WBP2: variants seen among roughly 807,000 people sequenced by gnomAD.
The protein encoded by WBP2 is WW domain-binding protein 2.
Under a neutral mutation model 33.0 loss-of-function variants are expected in WBP2, and 23 were observed. That is an observed-to-expected ratio of 0.70 (90% confidence interval 0.50 to 0.99). The LOEUF (loss-of-function observed/expected upper bound fraction) is 0.99. Ranked by LOEUF, WBP2 falls within the 50% of genes least tolerant of loss-of-function variation. WBP2 has a pLI of 0.00. For missense variants in WBP2, 353 were observed against 358.0 expected (o/e 0.99, Z 0.11); for synonymous variants, 153 against 133.5 (o/e 1.15, Z -1.01).
chr17:75,855,577 T>G (rs2065053824), upstream of WBP2: 1 of 503,624 alleles, frequency 2.0e-6, no homozygotes, highest in African/African-American at 1.9e-5. Flanking sequence ...CTGGAACTTG[T>G]AGTCTCCTGG....
intron 3 of WBP2, 100 bp downstream of exon 3, chr17:75,849,504 C>A: frequency 1.4e-6 from 2 of 1,474,346 alleles, no homozygotes; most frequent in Admixed American, 1.8e-5. Context: ...ATGGCTAGGG[C>A]GATAAGGGTC....
chr17:75,855,548 G>A (rs2065053692), upstream of WBP2: 2 of 549,176 alleles, frequency 3.6e-6, no homozygotes, highest in South Asian at 4.2e-5. Flanking sequence ...CTGTCCCTAT[G>A]CTGGAGGAAG....
intron 2 of WBP2, 61 bp from the exon 3 acceptor site, chr17:75,849,800 C>T: frequency 6.3e-7 from 1 of 1,590,832 alleles, no homozygotes; most frequent in Non-Finnish European, 8.6e-7. Flanking sequence ...GCCATGCTTC[C>T]CGCCTGCTTC....
intron 2 of WBP2, chr17:75,851,178 C>T (rs2065025355): frequency 1.6e-5 from 3 of 184,004 alleles, no homozygotes; most frequent in African/African-American, 6.9e-5. Flanking sequence ...CCGTGCCATG[C>T]AACTGTACCC....
rs563366876 is a variant in WBP2, at chr17:75,847,995, G to A, written c.398-65C>T. ...CTTGGGGCGGGGAGAGGGCAGCCCC[G>A]CTGCCTGCAGATGGGAGCTACTGGG... On this transcript the variant is annotated intron_variant, in intron 4 of 7. Transcript: ENST00000254806. The A allele has an allele frequency of 9.1e-4, 1,395 of 1,541,422 alleles. 9 individuals are homozygous for A. The South Asian group carries it at 9.1e-3, about 10-fold the overall frequency.
At chr17:75,855,651 C>T (rs1432620031), upstream of WBP2, among the ~76,000 whole-genome samples, 1 of 152,252 alleles carries the variant, frequency 6.6e-6, no homozygotes, top group Non-Finnish European at 1.5e-5. Context: ...CCCCACCCCG[C>T]CTCTTCAGCC....
intron 4 of WBP2, chr17:75,848,254 C>A (rs879322365): frequency 1.7e-6 from 1 of 581,828 alleles, no homozygotes. Flanking sequence ...CGGTCATTTT[C>A]AATGGCTGCG....
intron 3 of WBP2, 53 bp downstream of exon 3, chr17:75,849,551 C>G (rs2065015348): frequency 1.9e-6 from 3 of 1,608,368 alleles, no homozygotes; most frequent in Non-Finnish European, 1.7e-6. Context: ...TCAGAGGTTC[C>G]CAGGACACCT....
chr17:75,847,159 AG>A (rs1423757364), intron 6 of WBP2, 175 bp from the exon 7 acceptor site: 4 of 722,944 alleles, frequency 5.5e-6, no homozygotes, highest in African/African-American at 3.5e-5. Context: ...GGTCCTTTCC[AG>A]GCCCATCGCA....
upstream of WBP2, chr17:75,855,599 G>T: frequency 2.5e-6 from 1 of 406,886 alleles, no homozygotes; most frequent in Non-Finnish European, 4.6e-6. Context: ...TCATAGGCCT[G>T]AATTGGTTCC....
At chr17:75,849,881 C>A in intron 2 of WBP2, 142 bp from the exon 3 acceptor site, 1 of 1,199,100 alleles carries the variant, frequency 8.3e-7, no homozygotes, top group Non-Finnish European at 1.1e-6. Flanking sequence ...CCAGACACTC[C>A]TGGAGAGAGC....
intron 1 of WBP2, 41 bp downstream of exon 1, chr17:75,855,198 C>T: frequency 5.6e-6 from 9 of 1,601,150 alleles, no homozygotes; most frequent in Non-Finnish European, 7.7e-6. Flanking sequence ...TCCTCGACAC[C>T]CGAACTTTGG....
rs1404582250 is a variant in WBP2, at chr17:75,846,503, A to G, written c.*231T>C. On this transcript the variant is annotated 3_prime_UTR_variant, in exon 8 of 8. Coordinates refer to ENST00000254806, the MANE Select transcript of WBP2 (RefSeq NM_012478.4). The surrounding 1 kb of genome is among the most constrained non-coding windows in gnomAD (Gnocchi z 4.8). ...GCTCCCAGAAGAGCCCCAGACGGTG[A>G]GGGAGGTACGCTGGGCAGCACTGTG... 1 of 589,228 alleles carries G rather than the reference A, an allele frequency of 1.7e-6. No individual in the cohort carries two copies. The highest frequency in any genetic ancestry group is 3.0e-6 in the Non-Finnish European group (1 of 330,914). The allele number at this position is 589,228 out of a possible 1,614,324, so 36.5% of individuals were successfully genotyped here.
Position 75,846,795 on chromosome 17 carries a change from A to G in WBP2, c.733-8T>C. On this transcript the variant is annotated splice_region_variant and splice_polypyrimidine_tract_variant and intron_variant, in intron 7 of 7. Transcript: ENST00000254806. The surrounding 1 kb of genome is among the most constrained non-coding windows in gnomAD (Gnocchi z 4.8). ...AGGTGGCGGCGGCTGGCTCTAAAGA[A>G]GGGAGAAAGGAGAGACTTGCATTAG... The G allele has an allele frequency of 6.4e-7, 1 of 1,572,950 alleles. No individual in the cohort carries two copies. The highest frequency in any genetic ancestry group is 8.6e-7 in the Non-Finnish European group (1 of 1,157,654).
At chr17:75,851,509 C>T (rs2065027157) in intron 2 of WBP2, 59 bp downstream of exon 2, 5 of 1,359,784 alleles carry the variant, frequency 3.7e-6, no homozygotes, top group Middle Eastern at 1.9e-4. Flanking sequence ...GAGACTAAGA[C>T]TCACGTCACC....
Position 75,851,604 on chromosome 17 carries a change from C to T in WBP2, c.132G>A (p.Gly44=), listed in dbSNP as rs1417577980. Residue 44 remains glycine, a synonymous_variant, in exon 2 of 8, where the codon GGG becomes GGA. Transcript: ENST00000254806. ...DMKNVPEAFK[G]TKKGTVYLTP... ...TAAGGTAGACAGTGCCTTTCTTGGT[C>T]CCTTTGAAGGCTTCTGGCACGTTCT... 1.2e-6 allele frequency: 2 copies of T among 1,613,656 alleles called. No homozygotes were observed. Among genetic ancestry groups the T allele is most frequent in the African/African-American group, 1.3e-5 (1 of 74,912 alleles).
At position 75,851,661 on chromosome 17, in the gene WBP2, A is replaced by G. The variant is rs776062808; in HGVS notation, c.75T>C (p.Tyr25=). Residue 25 remains tyrosine, a synonymous_variant, in exon 2 of 8, where the codon TAT becomes TAC. Transcript: ENST00000254806. Reference sequence around the variant, plus strand: ...CATTGAATGTGAGTTCCACGTGATCATAGGACATTAGGATGCTGTGATGAG... The same window carrying G: ...CATTGAATGTGAGTTCCACGTGATCGTAGGACATTAGGATGCTGTGATGAG... ...VNNTESILMS[Y]DHVELTFNDM... 16 of 1,613,124 alleles carry G rather than the reference A, an allele frequency of 9.9e-6. No homozygotes were observed. The highest frequency in any genetic ancestry group is 1.2e-5 in the Non-Finnish European group (14 of 1,179,344).
At chr17:75,851,390 C>G in intron 2 of WBP2, 178 bp downstream of exon 2, 1 of 551,938 alleles carries the variant, frequency 1.8e-6, no homozygotes. Flanking sequence ...ACACAAAGAG[C>G]CTGGTGATTC....
chr17:75,854,709 G>C (rs761931386), intron 1 of WBP2, among the ~76,000 whole-genome samples: 1 of 152,174 alleles, frequency 6.6e-6, no homozygotes, highest in Admixed American at 6.5e-5. Context: ...ATTAACTTTG[G>C]AGTCAAGACT....
Sources: gnomAD v4.1 joint callset for allele counts (sites outside exome capture counted in the v4.1 genomes callset) on GRCh38, gnomAD v4.1.1 for gene constraint, Gnocchi (gnomAD v3.1) non-coding constraint, MANE v1.5 for transcripts, NCBI Gene and HGNC (gene_info 2026-07-23, HGNC 2026-07-21) for gene names.